Variants in SCHIP1 observed in about 807,000 individuals in gnomAD.
The protein encoded by SCHIP1 is schwannomin-interacting protein 1.
SCHIP1 carries 8 observed loss-of-function variants against 29.7 expected under a neutral mutation model. That is an observed-to-expected ratio of 0.27 (90% CI 0.16 to 0.49). The LOEUF is 0.49. SCHIP1 is among the 20% of genes least tolerant of loss of function. The pLI, the probability that SCHIP1 is intolerant of heterozygous loss-of-function variation, is 0.99. For synonymous variants in SCHIP1, 76 were observed against 94.9 expected (o/e 0.80, Z 1.16); for missense variants, 193 against 294.6 (o/e 0.66, Z 2.52).
the SCHIP1 span, among the ~76,000 whole-genome samples, chr3:159,426,603 G>C: frequency 1.1e-4 from 17 of 152,264 alleles, no homozygotes; most frequent in African/African-American, 3.9e-4. Context: ...TCTACCAGAG[G>C]TACAAGGAGG....
At chr3:159,885,024 C>T (rs574523198) in intron 2 of SCHIP1, among the ~76,000 whole-genome samples, 65 of 152,210 alleles carry the variant, frequency 4.3e-4, no homozygotes, top group African/African-American at 1.5e-3. Flanking sequence ...TTATGGTTCC[C>T]GTGTTAAATC....
At chr3:159,575,814 A>T in the SCHIP1 span, among the ~76,000 whole-genome samples, 5 of 152,146 alleles carry the variant, frequency 3.3e-5, no homozygotes, top group African/African-American at 9.7e-5. Flanking sequence ...AAAAGCTTTG[A>T]TCATCCTCCT....
the SCHIP1 span, among the ~76,000 whole-genome samples, chr3:159,797,719 C>G: frequency 1.3e-5 from 2 of 152,132 alleles, no homozygotes; most frequent in Non-Finnish European, 1.5e-5. Flanking sequence ...ACTACAGGTG[C>G]CTGCCACTAC....
chr3:159,713,240 G>GAAAGGAAGAAAT, the SCHIP1 span, among the ~76,000 whole-genome samples: 1 of 81,408 alleles, frequency 1.2e-5, no homozygotes, highest in Admixed American at 1.1e-4. Flanking sequence ...AAGGAAGAAA[G>GAAAGGAAGAAAT]AAAGAAAGAA....
the SCHIP1 span, among the ~76,000 whole-genome samples, chr3:159,718,585 A>G: frequency 6.6e-6 from 1 of 152,208 alleles, no homozygotes; most frequent in Non-Finnish European, 1.5e-5. Context: ...TTATACACCA[A>G]TAACAGACAA....
the SCHIP1 span, among the ~76,000 whole-genome samples, chr3:159,474,459 A>G: frequency 6.6e-6 from 1 of 152,190 alleles, no homozygotes; most frequent in African/African-American, 2.4e-5. Flanking sequence ...CTGATTAAAT[A>G]GAGTATCTTA....
chr3:159,311,161 C>T, the SCHIP1 span, among the ~76,000 whole-genome samples: 1 of 152,068 alleles, frequency 6.6e-6, no homozygotes, highest in African/African-American at 2.4e-5. Context: ...CGAAGTGAAT[C>T]ATAGTCATTA....
At chr3:159,762,147 G>T in the SCHIP1 span, among the ~76,000 whole-genome samples, 1 of 152,186 alleles carries the variant, frequency 6.6e-6, no homozygotes, top group Non-Finnish European at 1.5e-5. Context: ...GGGCTCCACA[G>T]CAATCTCAAA....
chr3:159,589,794 A>T, the SCHIP1 span, among the ~76,000 whole-genome samples: 39 of 152,288 alleles, frequency 2.6e-4, no homozygotes, highest in African/African-American at 8.7e-4. Flanking sequence ...TTACTGAGCA[A>T]TATTCTGTCT....
At chr3:159,542,658 A>G in the SCHIP1 span, among the ~76,000 whole-genome samples, 1 of 152,004 alleles carries the variant, frequency 6.6e-6, no homozygotes, top group African/African-American at 2.4e-5. Flanking sequence ...GATAACAGGA[A>G]TCCTGCCACC....
the SCHIP1 span, among the ~76,000 whole-genome samples, chr3:159,304,300 T>C: frequency 1.3e-5 from 2 of 152,164 alleles, no homozygotes; most frequent in African/African-American, 4.8e-5. Context: ...TTATCTGGGG[T>C]TTTAAGATTC....
chr3:159,599,486 C>T, the SCHIP1 span, among the ~76,000 whole-genome samples: 1 of 152,120 alleles, frequency 6.6e-6, no homozygotes, highest in African/African-American at 2.4e-5. Flanking sequence ...CCATTTATGA[C>T]TGAGAACATG....
the SCHIP1 span, among the ~76,000 whole-genome samples, chr3:159,372,789 T>C: frequency 6.6e-6 from 1 of 151,828 alleles, no homozygotes; most frequent in Non-Finnish European, 1.5e-5. Context: ...CTGATTTTAA[T>C]GTCTATAAAT....
the SCHIP1 span, among the ~76,000 whole-genome samples, chr3:159,801,787 TTTTC>T: frequency 6.6e-6 from 1 of 152,140 alleles, no homozygotes; most frequent in African/African-American, 2.4e-5. Flanking sequence ...TATAATCACT[TTTTC>T]TTTCTATTTA....
At chr3:159,486,615 C>CT in the SCHIP1 span, among the ~76,000 whole-genome samples, 1 of 152,218 alleles carries the variant, frequency 6.6e-6, no homozygotes, top group Admixed American at 6.5e-5. Context: ...AAGGCACTCC[C>CT]TCAGGAAGGT....
chr3:159,486,776 A>G, the SCHIP1 span, among the ~76,000 whole-genome samples: 86 of 152,342 alleles, frequency 5.6e-4, 1 homozygote, highest in African/African-American at 2.0e-3. Context: ...GGCTCCTTCC[A>G]TCTACCTGGT....
chr3:159,704,904 C>A, the SCHIP1 span, among the ~76,000 whole-genome samples: 6,619 of 69,404 alleles, frequency 0.095, 166 homozygotes, highest in Non-Finnish European at 0.12. Flanking sequence ...TTCTTTCTTT[C>A]TTTATTTCTT....
At chr3:159,628,233 G>C in the SCHIP1 span, among the ~76,000 whole-genome samples, 19 of 152,302 alleles carry the variant, frequency 1.2e-4, no homozygotes, top group Admixed American at 1.2e-3. Context: ...AGAAATGTAG[G>C]TGAACAGAAG....
chr3:159,317,572 G>C, the SCHIP1 span, among the ~76,000 whole-genome samples: 1 of 152,170 alleles, frequency 6.6e-6, no homozygotes, highest in Non-Finnish European at 1.5e-5. Flanking sequence ...CTTTGCCCCA[G>C]CCCTGCAAAG....
Sources: allele counts gnomAD v4.1 joint callset (sites outside exome capture counted in the v4.1 genomes callset), GRCh38; gene constraint gnomAD v4.1.1; transcripts MANE v1.5; gene names NCBI Gene and HGNC (gene_info 2026-07-23, HGNC 2026-07-21).